ITPR2: variants seen among roughly 807,000 people sequenced by gnomAD.
ITPR2 encodes the protein inositol 1,4,5-trisphosphate receptor type 2, also known as inositol 1,4,5-trisphosphate-gated calcium channel ITPR2.
ITPR2 carries 207 observed loss-of-function variants against 317.1 expected under a neutral mutation model. That is an observed-to-expected ratio of 0.65 (90% CI 0.58 to 0.73). ITPR2 has a LOEUF of 0.73. ITPR2 is among the 30% of genes least tolerant of loss of function. The probability of loss-of-function intolerance (pLI) is 0.00; values close to 1 mark genes in which losing one functional copy is unlikely to be tolerated. For synonymous variants in ITPR2, 1,156 were observed against 1,149.1 expected, an observed-to-expected ratio of 1.01 and a Z score of -0.12; for missense variants, 2,613 against 3,284.0, an observed-to-expected ratio of 0.80 and a Z score of 4.99.
At chr12:26,787,567 T>TGAAAGAGG (rs1950276533) in intron 2 of ITPR2, among the ~76,000 whole-genome samples, 1 of 152,196 alleles carries the variant, frequency 6.6e-6, no homozygotes, top group Non-Finnish European at 1.5e-5. Context: ...CACTGTGGAT[T>TGAAAGAGG]GAAAGAGGGA....
intron 13 of ITPR2, among the ~76,000 whole-genome samples, chr12:26,675,314 T>C (rs1247451258): frequency 6.6e-6 from 1 of 152,192 alleles, no homozygotes; most frequent in Admixed American, 6.5e-5. Flanking sequence ...CCAACAATGA[T>C]AGACTGGATT....
rs115812735 is a variant in ITPR2, at chr12:26,410,521, G to A, written c.7399+799C>T. ...TCCCAGATGGAAACTGGGGAACTCC[G>A]CACCTACACTATGCTTAACTCTTTC... On this transcript the variant is annotated intron_variant, in intron 52 of 56. Coordinates refer to ENST00000381340, the MANE Select transcript of ITPR2 (RefSeq NM_002223.4). 4.1e-3 allele frequency among the ~76,000 whole-genome samples: 622 copies of A among 152,168 alleles called. 4 individuals carry two copies. The highest frequency in any genetic ancestry group is 0.014 in the African/African-American group (587 of 41,516).
At chr12:26,658,761 T>C (rs1018931475) in intron 16 of ITPR2, among the ~76,000 whole-genome samples, 7 of 152,224 alleles carry the variant, frequency 4.6e-5, no homozygotes, top group African/African-American at 1.7e-4. Flanking sequence ...CGGCTTCTAT[T>C]TTCTCATCTC....
chr12:26,373,961 A>C (rs1177238568), intron 55 of ITPR2, among the ~76,000 whole-genome samples: 1 of 152,198 alleles, frequency 6.6e-6, no homozygotes, highest in Non-Finnish European at 1.5e-5. Context: ...TAAGGATAGA[A>C]GTAAACTAGA....
chr12:26,461,773 G>A (rs554017084), intron 45 of ITPR2, among the ~76,000 whole-genome samples: 153 of 150,740 alleles, frequency 1.0e-3, no homozygotes, highest in African/African-American at 3.4e-3. Flanking sequence ...AGTTTTCTGA[G>A]ACCAGCTGAT....
chr12:26,509,024 T>C (rs1328206187), intron 37 of ITPR2, among the ~76,000 whole-genome samples: 1 of 152,232 alleles, frequency 6.6e-6, no homozygotes, highest in African/African-American at 2.4e-5. Flanking sequence ...CACAATGTGG[T>C]ATATGCACAT....
chr12:26,402,464 C>T (rs953542393), intron 52 of ITPR2, among the ~76,000 whole-genome samples: 5 of 152,106 alleles, frequency 3.3e-5, no homozygotes, highest in East Asian at 1.9e-4. Flanking sequence ...TACCTCTCTC[C>T]GAGAATTTAG....
At position 26,596,823 on chromosome 12, in the gene ITPR2, G is replaced by T. The variant is rs543540995; in HGVS notation, c.4254+60C>A. On this transcript the variant is annotated intron_variant, in intron 31 of 56. Transcript: ENST00000381340. ...TAGTATGGGGGACTTCTGGCACCTA[G>T]ATAAACTTCAAAAATTAATAATGAT... The T allele has an allele frequency of 2.2e-4, 313 of 1,439,056 alleles. 4 individuals are homozygous for T. In the South Asian group the frequency reaches 4.5e-3, roughly 21 times the overall value. The allele number at this position is 1,439,056 out of a possible 1,614,324, so 89.1% of individuals were successfully genotyped here.
At chr12:26,549,984 AGGAAAAAACAC>A (rs1944483940) in intron 37 of ITPR2, among the ~76,000 whole-genome samples, 1 of 151,966 alleles carries the variant, frequency 6.6e-6, no homozygotes, top group Non-Finnish European at 1.5e-5. Context: ...AAGCCATAAG[AGGAAAAAACAC>A]AGATCCAAGA....
chr12:26,629,084 G>A (rs1179465440), intron 22 of ITPR2, among the ~76,000 whole-genome samples: 1 of 152,136 alleles, frequency 6.6e-6, no homozygotes, highest in Non-Finnish European at 1.5e-5. Context: ...CAAGTTTTAG[G>A]AAGATTGGCA....
chr12:26,753,136 G>T (rs948902069), intron 2 of ITPR2, among the ~76,000 whole-genome samples: 2 of 152,080 alleles, frequency 1.3e-5, no homozygotes, highest in African/African-American at 4.8e-5. Context: ...AAGACAGAGT[G>T]GATTAGAGGC....
At chr12:26,599,755 C>T (rs1356188520) in intron 29 of ITPR2, among the ~76,000 whole-genome samples, 1 of 151,816 alleles carries the variant, frequency 6.6e-6, no homozygotes, top group African/African-American at 2.4e-5. Context: ...TAACATTTAA[C>T]TATATACGTA....
intron 1 of ITPR2, among the ~76,000 whole-genome samples, chr12:26,822,437 G>A (rs16931383): frequency 0.029 from 4,481 of 152,206 alleles, 92 homozygotes; most frequent in Non-Finnish European, 0.045. Flanking sequence ...TCTATACCAA[G>A]TGGGAGACTC....
At chr12:26,561,089 C>A (rs1357432623) in intron 35 of ITPR2, among the ~76,000 whole-genome samples, 1 of 152,112 alleles carries the variant, frequency 6.6e-6, no homozygotes, top group Non-Finnish European at 1.5e-5. Context: ...GGGCCCTAAT[C>A]CAACATAACT....
chr12:26,665,743 G>A (rs997442377), intron 14 of ITPR2, among the ~76,000 whole-genome samples, 167 bp downstream of exon 14: 78 of 152,260 alleles, frequency 5.1e-4, no homozygotes, highest in African/African-American at 1.9e-3. Flanking sequence ...TGTAAGCCAC[G>A]CCTAGATCAC....
At chr12:26,764,589 C>T (rs1949688434) in intron 2 of ITPR2, among the ~76,000 whole-genome samples, 2 of 151,998 alleles carry the variant, frequency 1.3e-5, no homozygotes, top group South Asian at 4.1e-4. Context: ...GCATGTTCTG[C>T]ACATGTATCC....
intron 2 of ITPR2, among the ~76,000 whole-genome samples, chr12:26,742,376 C>A (rs1400846346): frequency 6.6e-6 from 1 of 152,190 alleles, no homozygotes; most frequent in Non-Finnish European, 1.5e-5. Context: ...GACGGAAAAC[C>A]TGTCCATGTC....
At chr12:26,616,508 T>C (rs1946378112) in intron 26 of ITPR2, among the ~76,000 whole-genome samples, 2 of 152,202 alleles carry the variant, frequency 1.3e-5, no homozygotes, top group Non-Finnish European at 2.9e-5. Context: ...AAATTTTTAG[T>C]ATCTAATATT....
At chr12:26,582,267 TATGA>T (rs1235960726) in intron 32 of ITPR2, among the ~76,000 whole-genome samples, 20 of 152,240 alleles carry the variant, frequency 1.3e-4, no homozygotes, top group African/African-American at 4.6e-4. Flanking sequence ...TCCTCATACA[TATGA>T]ATATTTCTTT....
Sources: allele counts gnomAD v4.1 joint callset (sites outside exome capture counted in the v4.1 genomes callset), GRCh38; gene constraint gnomAD v4.1.1; transcripts MANE v1.5; gene names NCBI Gene and HGNC (gene_info 2026-07-23, HGNC 2026-07-21).